Variants in SPEF2 observed in about 807,000 individuals in gnomAD.
SPEF2 encodes sperm flagellar and cilia associated 2, also known as sperm flagella and cilia-associated protein 2.
A neutral mutation model predicts 224.6 loss-of-function variants in SPEF2; 187 were observed. That is an observed-to-expected ratio of 0.83 (90% confidence interval 0.74 to 0.94). The LOEUF (loss-of-function observed/expected upper bound fraction) is 0.94. SPEF2 is among the 40% of genes least tolerant of loss of function. The probability of loss-of-function intolerance (pLI) is 0.00; values close to 1 mark genes in which losing one functional copy is unlikely to be tolerated. For synonymous variants in SPEF2, 715 were observed against 707.3 expected (o/e 1.01, Z -0.17); for missense variants, 2,170 against 2,135.6 (o/e 1.02, Z -0.32).
chr5:35,658,619 C>CA (rs1561146456), intron 7 of SPEF2, among the ~76,000 whole-genome samples: 1 of 151,430 alleles, frequency 6.6e-6, no homozygotes, highest in Non-Finnish European at 1.5e-5. Flanking sequence ...GTTCGGGGTA[C>CA]ATGTGCAGGT....
intron 34 of SPEF2, among the ~76,000 whole-genome samples, chr5:35,800,576 TG>T (rs1326771152): frequency 6.6e-6 from 1 of 152,240 alleles, no homozygotes; most frequent in Non-Finnish European, 1.5e-5. Context: ...GCCCGGCCAC[TG>T]GAAACCTGCA....
At position 35,691,140 on chromosome 5, in the gene SPEF2, C is replaced by A; in HGVS notation, c.1628C>A (p.Ser543Tyr). The part of the protein sequence containing the change: ...GHILHRLAEK[S>Y]LPPRAESTTP... ...ATTCTTCACAGGCTAGCTGAAAAAT[C>A]TCTTCCTCCTCGAGCGGAATCAACA... is the stretch of plus-strand genomic sequence containing the variant. The change falls in exon 11 of 37, where the codon TCT becomes TAT. Residue 543 changes from serine (S) to tyrosine (Y), a missense_variant. Ser to Tyr is a moderately radical substitution (Grantham distance 144). Coordinates refer to ENST00000356031, the MANE Select transcript of SPEF2 (RefSeq NM_024867.4). The A allele has an allele frequency of 6.2e-7, 1 of 1,614,066 alleles. No homozygotes were observed. The highest frequency in any genetic ancestry group is 1.1e-5 in the South Asian group (1 of 91,080).
intron 21 of SPEF2, among the ~76,000 whole-genome samples, chr5:35,728,358 T>A: frequency 6.6e-6 from 1 of 152,192 alleles, no homozygotes; most frequent in East Asian, 1.9e-4. Context: ...CTAGCTCAAC[T>A]CGCAAGGCCC....
intron 21 of SPEF2, among the ~76,000 whole-genome samples, chr5:35,728,139 C>G (rs185301208): frequency 1.0e-3 from 152 of 152,276 alleles, no homozygotes; most frequent in African/African-American, 3.6e-3. Flanking sequence ...AACACATATC[C>G]AGCAAATTTC....
intron 1 of SPEF2, among the ~76,000 whole-genome samples, chr5:35,623,670 C>A (rs1743824535): frequency 6.6e-6 from 1 of 152,150 alleles, no homozygotes; most frequent in Admixed American, 6.5e-5. Context: ...CCTATCAGGC[C>A]TAAAGAGTGG....
At chr5:35,655,165 T>C (rs552356002) in intron 7 of SPEF2, among the ~76,000 whole-genome samples, 1 of 152,148 alleles carries the variant, frequency 6.6e-6, no homozygotes, top group Admixed American at 6.5e-5. Context: ...TTAAGCATGG[T>C]TCCTGGACGA....
intron 10 of SPEF2, among the ~76,000 whole-genome samples, chr5:35,674,784 A>G (rs1303208809): frequency 1.3e-5 from 2 of 151,994 alleles, no homozygotes; most frequent in East Asian, 1.9e-4. Context: ...GGGCTTCAAC[A>G]TATGAATCTG....
chr5:35,707,287 T>C (rs934903369), intron 18 of SPEF2, among the ~76,000 whole-genome samples: 7 of 152,202 alleles, frequency 4.6e-5, no homozygotes, highest in African/African-American at 9.7e-5. Flanking sequence ...TAAATACATC[T>C]GCACAGAAGA....
chr5:35,716,977 A>T (rs1742696283), intron 20 of SPEF2, among the ~76,000 whole-genome samples: 3 of 152,102 alleles, frequency 2.0e-5, no homozygotes, highest in Admixed American at 1.3e-4. Flanking sequence ...TGCCATTAAC[A>T]ATGGTACTTA....
chr5:35,734,127 G>A (rs1746126266), intron 21 of SPEF2, among the ~76,000 whole-genome samples: 2 of 152,174 alleles, frequency 1.3e-5, no homozygotes, highest in African/African-American at 4.8e-5. Flanking sequence ...AGGCTTGAAG[G>A]AAGGCAATGA....
chr5:35,757,778 G>A (rs6451215), intron 24 of SPEF2, among the ~76,000 whole-genome samples: 136,295 of 152,202 alleles, frequency 0.9, 61,413 homozygotes, highest in South Asian at 0.99. Flanking sequence ...CAAAATGCTA[G>A]TTTAAAAACT....
intron 30 of SPEF2, among the ~76,000 whole-genome samples, chr5:35,791,812 T>C (rs1755996069): frequency 6.6e-6 from 1 of 152,096 alleles, no homozygotes; most frequent in African/African-American, 2.4e-5. Flanking sequence ...ATTAGCACTT[T>C]CAATCCAGTA....
chr5:35,727,538 T>C (rs1744872109), intron 20 of SPEF2, 137 bp from the exon 21 acceptor site: 5 of 643,500 alleles, frequency 7.8e-6, no homozygotes, highest in Non-Finnish European at 1.3e-5. Flanking sequence ...AAGGATTTTT[T>C]GTAAGACTCC....
chr5:35,645,707 T>C (rs764492252), intron 4 of SPEF2, among the ~76,000 whole-genome samples: 2 of 152,084 alleles, frequency 1.3e-5, no homozygotes, highest in Non-Finnish European at 2.9e-5. Flanking sequence ...TCCAAGAATG[T>C]TGAGAAAAAG....
rs763544057 is a variant in SPEF2, at chr5:35,773,929, T to C, written c.3986T>C (p.Ile1329Thr). ...CCTATGGCAGAAGCAACTCCTGTCA[T>C]AGTAACAACAGAGGAAATTGCTGAA... is the stretch of plus-strand genomic sequence containing the variant. ...SPPMAEATPV[I>T]VTTEEIAEIK... The change falls in exon 28 of 37, where the codon ATA (isoleucine) becomes ACA (threonine). Residue 1329 changes from isoleucine to threonine, a missense_variant. Ile to Thr is a moderately conservative substitution (Grantham distance 89). Transcript: ENST00000356031. 33 of 1,613,116 alleles carry C rather than the reference T, an allele frequency of 2.0e-5. No homozygotes were observed. The highest frequency in any genetic ancestry group is 1.1e-4 in the East Asian group (5 of 44,864).
intron 21 of SPEF2, among the ~76,000 whole-genome samples, chr5:35,731,352 G>T (rs1745611829): frequency 6.6e-6 from 1 of 152,156 alleles, no homozygotes; most frequent in South Asian, 2.1e-4. Flanking sequence ...TTTTATAACT[G>T]GAAGAAACAG....
intron 5 of SPEF2, among the ~76,000 whole-genome samples, chr5:35,647,338 G>GGA (rs141186731): frequency 3.3e-5 from 5 of 150,792 alleles, no homozygotes; most frequent in African/African-American, 4.9e-5. Flanking sequence ...GTGTAGGGAG[G>GGA]GAGAGAGAGA....
At chr5:35,797,001 T>A (rs1406915112) in intron 33 of SPEF2, among the ~76,000 whole-genome samples, 1 of 152,208 alleles carries the variant, frequency 6.6e-6, no homozygotes, top group Non-Finnish European at 1.5e-5. Context: ...GGTCTGTATA[T>A]GCTTTTATGA....
chr5:35,733,563 G>A (rs955743703), intron 21 of SPEF2, among the ~76,000 whole-genome samples: 1 of 152,226 alleles, frequency 6.6e-6, no homozygotes, highest in Non-Finnish European at 1.5e-5. Context: ...CTCAGTCTGA[G>A]AGATTGTCTC....
Sources: gnomAD v4.1 joint callset for allele counts (sites outside exome capture counted in the v4.1 genomes callset) on GRCh38, gnomAD v4.1.1 for gene constraint, MANE v1.5 for transcripts, NCBI Gene and HGNC (gene_info 2026-07-23, HGNC 2026-07-21) for gene names.